Variants in ADPRH observed in about 807,000 individuals in gnomAD.
The protein encoded by ADPRH is ADP-ribose-L-arginine cleaving enzyme.
A neutral mutation model predicts 28.8 loss-of-function variants in ADPRH; 27 were observed. The ratio of observed to expected loss-of-function variants is 0.94; its 90% CI spans 0.69 to 1.29. ADPRH has a LOEUF of 1.29. Ranked by LOEUF, ADPRH falls within the 50% of genes most tolerant of loss-of-function variation. ADPRH has a pLI of 0.00. For synonymous variants in ADPRH, 161 were observed against 166.9 expected, an observed-to-expected ratio of 0.96 and a Z score of 0.27; for missense variants, 419 against 444.8, an observed-to-expected ratio of 0.94 and a Z score of 0.52.
intron 3 of ADPRH, among the ~76,000 whole-genome samples, chr3:119,585,466 C>A (rs1463863755): frequency 6.6e-6 from 1 of 152,206 alleles, no homozygotes; most frequent in Non-Finnish European, 1.5e-5. Flanking sequence ...CTCATCTGAG[C>A]CCAGGGCTTC....
At position 119,582,232 on chromosome 3, in the gene ADPRH, T is replaced by G. The variant is rs1277722402; in HGVS notation, c.63T>G (p.Asn21Lys). 3 of 1,614,026 alleles carry G rather than the reference T, an allele frequency of 1.9e-6. No homozygotes were observed. The African/African-American group carries it at 4.0e-5, about 22-fold the overall frequency. ...SAAGDALGYY[N>K]GKWEFLQDGE... ...CTGGAGATGCCCTGGGGTACTACAA[T>G]GGGAAGTGGGAGTTCCTCCAGGATG... Residue 21 changes from asparagine (N) to lysine (K), a missense_variant, in exon 3 of 5, where the codon AAT becomes AAG. Asn to Lys is a moderately conservative substitution (Grantham distance 94). Coordinates refer to ENST00000357003, the MANE Select transcript of ADPRH (RefSeq NM_001125.4).
At position 119,587,802 on chromosome 3, in the gene ADPRH, A is replaced by G; in HGVS notation, c.998A>G (p.Tyr333Cys). The G allele has an allele frequency of 1.2e-6, 2 of 1,614,118 alleles. No individual in the cohort carries two copies. The highest frequency in any genetic ancestry group is 1.7e-6 in the Non-Finnish European group (2 of 1,179,996). The change falls in exon 5 of 5, where the codon TAC becomes TGC. Residue 333 changes from tyrosine (Y) to cysteine (C), a missense_variant. By Grantham distance (194) the Tyr-to-Cys change is radical. Coordinates refer to ENST00000357003, the MANE Select transcript of ADPRH (RefSeq NM_001125.4). ...CCCTCCAACTATGAGAAACTAGAAT[A>G]CAGAAACCGGCTGGAAGAGACAGCT... ...VSPSNYEKLE[Y>C]RNRLEETARA...
At position 119,582,292 on chromosome 3, in the gene ADPRH, C is replaced by T. The variant is rs20568; in HGVS notation, c.123C>T (p.Gly41=). 120,418 of 1,614,074 alleles carry T rather than the reference C, an allele frequency of 0.075. 5,877 individuals are homozygous for T. The highest frequency in any genetic ancestry group is 0.21 in the East Asian group (9,209 of 44,868). The stretch of plus-strand genomic sequence containing the variant: ...TACACCGGCAGTTGGCCCAGCTGGG[C>T]GGCTTGGATGCCCTAGACGTGGGAA... The part of the protein sequence containing the change: ...EKIHRQLAQL[G]GLDALDVGRW... The change falls in exon 3 of 5, where the codon GGC becomes GGT. Residue 41 remains glycine (G), a synonymous_variant. Transcript: ENST00000357003.
At chr3:119,586,936 T>C (rs560317778) in intron 4 of ADPRH, among the ~76,000 whole-genome samples, 1 of 152,246 alleles carries the variant, frequency 6.6e-6, no homozygotes, top group Non-Finnish European at 1.5e-5. Context: ...GCCTATTTCC[T>C]ACTTTCCTGG....
At chr3:119,579,888 C>T (rs1221846918) in intron 1 of ADPRH, 37 bp downstream of exon 1, 1 of 152,344 alleles carries the variant, frequency 6.6e-6, no homozygotes, top group African/African-American at 2.4e-5. Flanking sequence ...GCGCTCCCCT[C>T]CCCCGCCCCT....
In ADPRH at chr3:119,582,393, A is replaced by T. The variant is rs1178910958; in HGVS notation, c.224A>T (p.Lys75Met). 1 of 1,614,042 alleles carries T rather than the reference A, an allele frequency of 6.2e-7. No individual in the cohort carries two copies. Among genetic ancestry groups the T allele is most frequent in the African/African-American group, 1.3e-5 (1 of 74,916 alleles). Residue 75 changes from lysine (K) to methionine (M), a missense_variant, in exon 3 of 5, where the codon AAG (lysine) becomes ATG (methionine). By Grantham distance (95) the Lys-to-Met change is moderately conservative. Transcript: ENST00000357003. ...EALVEAGKAP[K>M]LTQLYYLLAK... Reference sequence around the variant, plus strand: ...CTTGTGGAAGCTGGGAAAGCCCCTAAGTTGACTCAACTGTATTACCTCCTT... The same window carrying T: ...CTTGTGGAAGCTGGGAAAGCCCCTATGTTGACTCAACTGTATTACCTCCTT...
chr3:119,584,253 T>C (rs926157972), intron 3 of ADPRH, among the ~76,000 whole-genome samples: 3 of 152,094 alleles, frequency 2.0e-5, no homozygotes, highest in African/African-American at 7.2e-5. Context: ...AAGAAAAATG[T>C]ATATTTTTTA....
rs1176433402 is a variant in ADPRH at position 119,588,301 on chromosome 3, C to G, written c.*423C>G. On this transcript the variant is annotated 3_prime_UTR_variant, in exon 5 of 5. Transcript: ENST00000357003. ...CGATATGAGAATGGGGAAATGAAAC[C>G]AGGAAGGGAAGAGAGCTAGTATGGG... The G allele has an allele frequency of 1.3e-5, 2 of 154,822 alleles. No individual in the cohort carries two copies. The highest frequency in any genetic ancestry group is 4.8e-5 in the African/African-American group (2 of 41,474). 9.6% of individuals were successfully genotyped at this position (154,822 alleles called of 1,614,324 possible).
At chr3:119,582,843 A>G (rs1230590093) in intron 3 of ADPRH, among the ~76,000 whole-genome samples, 1 of 152,222 alleles carries the variant, frequency 6.6e-6, no homozygotes, top group Admixed American at 6.5e-5. Flanking sequence ...CCTCCATCAG[A>G]TCAGTGGCGC....
chr3:119,589,646 G>A lies in ADPRH; in HGVS notation c.*1768G>A, dbSNP rs907225138. ...CTAGTGCAGGGCTTTAGCCACAATT[G>A]TAAACAACAGGAAAAGGCTCTTTAG... On this transcript the variant is annotated 3_prime_UTR_variant, in exon 5 of 5. Coordinates refer to ENST00000357003, the MANE Select transcript of ADPRH (RefSeq NM_001125.4). 1.5e-4 allele frequency: 23 copies of A among 152,192 alleles called. No homozygotes were observed. The highest frequency in any genetic ancestry group is 5.5e-4 in the African/African-American group (23 of 41,446). The allele number at this position is 152,192 out of a possible 1,614,324, so 9.4% of individuals were successfully genotyped here. A position where few individuals can be genotyped will look rare whatever the true frequency, so the allele number is the denominator to read the frequency against.
intron 4 of ADPRH, 36 bp downstream of exon 4, chr3:119,586,681 T>C: frequency 1.2e-6 from 2 of 1,604,144 alleles, no homozygotes; most frequent in Non-Finnish European, 1.7e-6. Flanking sequence ...TCAAACACGG[T>C]TGAATCTGTG....
At chr3:119,587,415 T>C in intron 4 of ADPRH, 49 bp from the exon 5 acceptor site, 1 of 1,453,198 alleles carries the variant, frequency 6.9e-7, no homozygotes, top group Non-Finnish European at 9.2e-7. Context: ...TTGTTATGAC[T>C]TTTCACTTTA....
At chr3:119,580,707 GACC>G (rs1412475174) in intron 2 of ADPRH, 71 bp downstream of exon 2, 2 of 152,304 alleles carry the variant, frequency 1.3e-5, no homozygotes, top group East Asian at 3.9e-4. Flanking sequence ...TAGTCTGCCA[GACC>G]CTTATAAAAG....
chr3:119,585,642 C>T lies in ADPRH; in HGVS notation c.299-643C>T, dbSNP rs141165577. On this transcript the variant is annotated intron_variant, in intron 3 of 4. Transcript: ENST00000357003. ...TCGACTCACTGCAACCTCTGCCTCC[C>T]GGGTTCAAACGATTCTCCTGCCTCA... 2.7e-3 allele frequency among the ~76,000 whole-genome samples: 407 copies of T among 152,326 alleles called. 2 individuals carry two copies. Among genetic ancestry groups the T allele is most frequent in the African/African-American group, 7.7e-3 (321 of 41,564 alleles).
intron 2 of ADPRH, among the ~76,000 whole-genome samples, chr3:119,581,256 T>TG (rs1308277335): frequency 1.3e-4 from 20 of 151,984 alleles, no homozygotes; most frequent in Non-Finnish European, 2.9e-5. Flanking sequence ...TTAGTAGAGA[T>TG]GGGGTTTCAC....
chr3:119,587,530 C>T lies in ADPRH; in HGVS notation c.726C>T (p.Ala242=), dbSNP rs373912285. The change falls in exon 5 of 5, where the codon GCC becomes GCT. Residue 242 remains alanine (A), a synonymous_variant. Coordinates refer to ENST00000357003, the MANE Select transcript of ADPRH (RefSeq NM_001125.4). ...GAGGGATTTTGGATGGAGAATCAGC[C>T]CCTACCTTCCCTGAGTCTTTCGGTG... is the stretch of plus-strand genomic sequence containing the variant. ...KLRGILDGES[A]PTFPESFGVK... 1 of 1,605,864 alleles carries T rather than the reference C, an allele frequency of 6.2e-7. No homozygotes were observed. Among genetic ancestry groups the T allele is most frequent in the East Asian group, 2.2e-5 (1 of 44,674 alleles).
rs2082463022 is a variant in ADPRH, at chr3:119,586,594, A to G, written c.608A>G (p.Lys203Arg). 1.2e-6 allele frequency: 2 copies of G among 1,614,056 alleles called. No individual in the cohort carries two copies. The highest frequency in any genetic ancestry group is 2.2e-5 in the South Asian group (2 of 91,084). Residue 203 changes from lysine (K) to arginine (R), a missense_variant, in exon 4 of 5, where the codon AAA becomes AGA. Physicochemically the swap from Lys to Arg is conservative, Grantham distance 26. Transcript: ENST00000357003. ...KGLMELLPEA[K>R]KYIVQSGYFV... is the part of the protein sequence containing the mutation. ...CTGATGGAGCTGCTACCAGAAGCTAAAAAGTACATTGTCCAATCAGGCTAC... is the reference window on the plus strand; with the variant it reads ...CTGATGGAGCTGCTACCAGAAGCTAGAAAGTACATTGTCCAATCAGGCTAC...
chr3:119,582,896 A>G (rs991125153), intron 3 of ADPRH, among the ~76,000 whole-genome samples: 6 of 152,210 alleles, frequency 3.9e-5, no homozygotes, highest in Admixed American at 2.6e-4. Flanking sequence ...GGAACTGCAC[A>G]TGCGAGGGAT....
intron 2 of ADPRH, 68 bp from the exon 3 acceptor site, chr3:119,582,066 G>A (rs1347239032): frequency 8.3e-7 from 1 of 1,201,552 alleles, no homozygotes; most frequent in South Asian, 1.5e-5. Flanking sequence ...AACATAGCTA[G>A]AGTCGTTGTT....
Sources: gnomAD v4.1 joint callset for allele counts (sites outside exome capture counted in the v4.1 genomes callset) on GRCh38, gnomAD v4.1.1 for gene constraint, MANE v1.5 for transcripts, NCBI Gene and HGNC (gene_info 2026-07-23, HGNC 2026-07-21) for gene names.